The following CCBE1 variants were observed in gnomAD, a reference collection of about 807,000 sequenced individuals.
CCBE1 encodes the protein collagen and calcium binding EGF domains 1, also known as collagen and calcium-binding EGF domain-containing protein 1.
In CCBE1, 37 loss-of-function variants were observed where a neutral mutation model predicts 50.0. That is an observed-to-expected ratio of 0.74 (90% CI 0.57 to 0.97). CCBE1 has a LOEUF of 0.97. Among genes scored for constraint, CCBE1 ranks in the 50% least tolerant of loss-of-function variants. The probability of loss-of-function intolerance (pLI) is 0.00; values close to 1 mark genes in which losing one functional copy is unlikely to be tolerated. For synonymous variants in CCBE1, 234 were observed against 203.7 expected, an observed-to-expected ratio of 1.15 and a Z score of -1.27; for missense variants, 538 against 523.8, an observed-to-expected ratio of 1.03 and a Z score of -0.26.
intron 2 of CCBE1, among the ~76,000 whole-genome samples, chr18:59,557,270 A>ATC: frequency 6.6e-6 from 1 of 151,960 alleles, no homozygotes. Flanking sequence ...GATTTTCCCC[A>ATC]CTGTGAGTTC....
At chr18:59,650,560 T>G (rs982930241) in intron 2 of CCBE1, among the ~76,000 whole-genome samples, 5 of 151,674 alleles carry the variant, frequency 3.3e-5, no homozygotes, top group African/African-American at 9.7e-5. Flanking sequence ...TTATACTAAG[T>G]GCAATTTCCT....
intron 5 of CCBE1, among the ~76,000 whole-genome samples, chr18:59,463,062 GAAA>G (rs919785478): frequency 6.6e-6 from 1 of 152,196 alleles, no homozygotes; most frequent in African/African-American, 2.4e-5. Context: ...AACTTTACTT[GAAA>G]AATATTTAAG....
intron 2 of CCBE1, among the ~76,000 whole-genome samples, chr18:59,527,494 C>T (rs1240350666): frequency 1.3e-5 from 2 of 152,140 alleles, no homozygotes; most frequent in Non-Finnish European, 2.9e-5. Flanking sequence ...AGCTCATTTA[C>T]ATTTAGGGTT....
intron 2 of CCBE1, among the ~76,000 whole-genome samples, chr18:59,508,854 C>T (rs1598963556): frequency 1.3e-5 from 2 of 151,486 alleles, no homozygotes; most frequent in East Asian, 2.0e-4. Context: ...GTAGCTGGGA[C>T]TATTGGCATG....
rs961612029 is a variant in CCBE1, at chr18:59,697,412, G to A, written c.-70C>T. On this transcript the variant is annotated 5_prime_UTR_variant, in exon 1 of 11. Transcript: ENST00000439986. ...CCAAGCGTCCTGCTCCTCCGCGGCCGCCGCCGCCTTCCCTCTTCCCGGCAG... is the reference window on the plus strand; with the variant it reads ...CCAAGCGTCCTGCTCCTCCGCGGCCACCGCCGCCTTCCCTCTTCCCGGCAG... The A allele has an allele frequency of 4.6e-6, 7 of 1,507,130 alleles. No homozygotes were observed. In the African/African-American group the frequency reaches 5.6e-5, roughly 12 times the overall value. The allele number at this position is 1,507,130 out of a possible 1,614,324, so 93.4% of individuals were successfully genotyped here.
At chr18:59,650,090 T>A (rs1244357778) in intron 2 of CCBE1, among the ~76,000 whole-genome samples, 3 of 152,058 alleles carry the variant, frequency 2.0e-5, no homozygotes, top group Non-Finnish European at 4.4e-5. Context: ...GGTTCCCAGC[T>A]TCAAGGCCAC....
At chr18:59,580,178 T>C (rs930740030) in intron 2 of CCBE1, among the ~76,000 whole-genome samples, 4 of 152,196 alleles carry the variant, frequency 2.6e-5, no homozygotes, top group African/African-American at 9.6e-5. Flanking sequence ...TGCCTCTTGT[T>C]CTCTTTAAAG....
Position 59,697,205 on chromosome 18 carries a change from C to T in CCBE1, c.131+7G>A. On this transcript the variant is annotated splice_region_variant and intron_variant, in intron 1 of 10. Coordinates refer to ENST00000439986, the MANE Select transcript of CCBE1 (RefSeq NM_133459.4). ...GCTCGCCCTCCGCTGGGGCTTGCAG[C>T]GCTTACCTGTCGCCGTCCTCCGGCT... 6.5e-7 allele frequency: 1 copy of T among 1,548,450 alleles called. No individual in the cohort carries two copies.
chr18:59,605,754 C>G (rs1303332651), intron 2 of CCBE1, among the ~76,000 whole-genome samples: 1 of 152,148 alleles, frequency 6.6e-6, no homozygotes, highest in Non-Finnish European at 1.5e-5. Flanking sequence ...ATGTTCCCAG[C>G]AAACCCTCAG....
chr18:59,658,366 TA>T (rs2054230934), intron 2 of CCBE1, among the ~76,000 whole-genome samples: 1 of 1,950 alleles, frequency 5.1e-4, no homozygotes, highest in Non-Finnish European at 8.1e-4. Context: ...TATATATATA[TA>T]TATATATATA....
intron 2 of CCBE1, among the ~76,000 whole-genome samples, chr18:59,631,741 A>G (rs1204965455): frequency 6.6e-6 from 1 of 152,226 alleles, no homozygotes; most frequent in Non-Finnish European, 1.5e-5. Flanking sequence ...GGCACTAAAT[A>G]GCTTAGAGTT....
intron 2 of CCBE1, among the ~76,000 whole-genome samples, chr18:59,689,895 T>C (rs1275449026): frequency 6.6e-6 from 1 of 152,192 alleles, no homozygotes; most frequent in Non-Finnish European, 1.5e-5. Flanking sequence ...CCACCATCCC[T>C]GGGTTTTCCT....
chr18:59,528,477 A>G (rs1914916620), intron 2 of CCBE1, among the ~76,000 whole-genome samples: 1 of 152,170 alleles, frequency 6.6e-6, no homozygotes, highest in Non-Finnish European at 1.5e-5. Flanking sequence ...CAGTTCATCC[A>G]TCTCAGCCTC....
intron 2 of CCBE1, among the ~76,000 whole-genome samples, chr18:59,500,408 T>C (rs762209309): frequency 7.9e-5 from 12 of 152,216 alleles, no homozygotes; most frequent in Non-Finnish European, 1.6e-4. Flanking sequence ...GCAGTTTCCC[T>C]TTGGCTTGTT....
chr18:59,651,424 G>C (rs1269432694), intron 2 of CCBE1, among the ~76,000 whole-genome samples: 1 of 152,220 alleles, frequency 6.6e-6, no homozygotes, highest in Non-Finnish European at 1.5e-5. Flanking sequence ...GAGACTGCAT[G>C]CCAAACGCTG....
intron 2 of CCBE1, among the ~76,000 whole-genome samples, chr18:59,519,133 A>G (rs996878933): frequency 9.2e-5 from 14 of 152,168 alleles, no homozygotes; most frequent in Admixed American, 7.9e-4. Flanking sequence ...ACTACCGAGT[A>G]CACCCATATT....
At chr18:59,686,980 C>T (rs1328514167) in intron 2 of CCBE1, among the ~76,000 whole-genome samples, 1 of 127,436 alleles carries the variant, frequency 7.8e-6, no homozygotes, top group Non-Finnish European at 1.8e-5. Flanking sequence ...AGGGCATTAT[C>T]GTCTGCTCTC....
intron 2 of CCBE1, among the ~76,000 whole-genome samples, chr18:59,583,071 G>C (rs1266759094): frequency 3.3e-5 from 5 of 152,168 alleles, no homozygotes; most frequent in African/African-American, 4.8e-5. Flanking sequence ...CTCTCACCTT[G>C]GCCTCCCAAA....
At chr18:59,475,272 C>T (rs371599834) in intron 3 of CCBE1, among the ~76,000 whole-genome samples, 41 of 152,232 alleles carry the variant, frequency 2.7e-4, no homozygotes, top group African/African-American at 9.4e-4. Context: ...TTTGGGATAA[C>T]ACTGCCAGGC....
Sources: gnomAD v4.1 joint callset for allele counts (sites outside exome capture counted in the v4.1 genomes callset) on GRCh38, gnomAD v4.1.1 for gene constraint, MANE v1.5 for transcripts, NCBI Gene and HGNC (gene_info 2026-07-23, HGNC 2026-07-21) for gene names.